Variants in SECISBP2 observed in about 807,000 individuals in gnomAD.
SECISBP2 encodes SECIS binding protein 2.
A neutral mutation model predicts 98.2 loss-of-function variants in SECISBP2; 96 were observed. The observed-to-expected ratio is 0.98, with a 90% CI of 0.83 to 1.16. The LOEUF (loss-of-function observed/expected upper bound fraction) is 1.16. SECISBP2 is among the 50% of genes most tolerant of loss of function. The pLI, the probability that SECISBP2 is intolerant of heterozygous loss-of-function variation, is 0.00. For synonymous variants in SECISBP2, 407 were observed against 370.2 expected, an observed-to-expected ratio of 1.10 and a Z score of -1.14; for missense variants, 1,046 against 1,022.9, an observed-to-expected ratio of 1.02 and a Z score of -0.31.
chr9:89,343,914 C>T (rs1325338428), intron 10 of SECISBP2, among the ~76,000 whole-genome samples: 1 of 152,242 alleles, frequency 6.6e-6, no homozygotes, highest in Non-Finnish European at 1.5e-5. Flanking sequence ...TGAATCACCA[C>T]ACTGCTTTCC....
At chr9:89,330,518 T>C (rs1827570014) in intron 5 of SECISBP2, 1 of 152,254 alleles carries the variant, frequency 6.6e-6, no homozygotes, top group Non-Finnish European at 1.5e-5. Context: ...TGGACTTCTG[T>C]TAGGTGCCTG....
At chr9:89,325,719 T>C in intron 3 of SECISBP2, 43 bp downstream of exon 3, 1 of 1,613,672 alleles carries the variant, frequency 6.2e-7, no homozygotes. Context: ...AGTTGGTTGC[T>C]TTAATGTTTA....
rs1316590948 is a variant in SECISBP2 at position 89,359,195 on chromosome 9, G to A, written c.*371G>A. 1 of 334,724 alleles carries A rather than the reference G, an allele frequency of 3.0e-6. No homozygotes were observed. The highest frequency in any genetic ancestry group is 5.7e-6 in the Non-Finnish European group (1 of 174,132). The allele number at this position is 334,724 out of a possible 1,614,324, so 20.7% of individuals were successfully genotyped here. A position where few individuals can be genotyped will look rare whatever the true frequency, so the allele number is the denominator to read the frequency against. Reference sequence around the variant, plus strand: ...TGAGTGAGTTTGCAGAAAGCAGGTGGTGAGCTCCTGCCTGCTGGAGGTTGC... The same window carrying A: ...TGAGTGAGTTTGCAGAAAGCAGGTGATGAGCTCCTGCCTGCTGGAGGTTGC... On this transcript the variant is annotated 3_prime_UTR_variant, in exon 17 of 17. Transcript: ENST00000375807.
intron 2 of SECISBP2, chr9:89,322,624 A>G (rs1273142479): frequency 1.3e-5 from 2 of 152,236 alleles, no homozygotes; most frequent in Admixed American, 1.3e-4. Flanking sequence ...CTGCCAATAT[A>G]CTGTGAAAAT....
rs768678703 is a variant in SECISBP2, at chr9:89,325,654, A to G, written c.410A>G (p.Gln137Arg). 1.2e-6 allele frequency: 2 copies of G among 1,614,166 alleles called. No homozygotes were observed. The highest frequency in any genetic ancestry group is 1.7e-6 in the Non-Finnish European group (2 of 1,180,014). Residue 137 changes from glutamine to arginine, a missense_variant, in exon 3 of 17, where the codon CAA (glutamine) becomes CGA (arginine). By Grantham distance (43) the Gln-to-Arg change is conservative (BLOSUM62 1). Transcript: ENST00000375807. ...HRNENTCPLP[Q>R]EMKALFKKKT... ...AATGAGAACACATGCCCTCTCCCAC[A>G]AGAAATGAAAGCTCTGTTTAAGGTG...
intron 5 of SECISBP2, among the ~76,000 whole-genome samples, chr9:89,331,181 T>G (rs1454322231): frequency 6.6e-6 from 1 of 152,228 alleles, no homozygotes; most frequent in Non-Finnish European, 1.5e-5. Flanking sequence ...CACCTTGAGA[T>G]TATAAATACG....
intron 8 of SECISBP2, among the ~76,000 whole-genome samples, chr9:89,339,219 C>T (rs149554488): frequency 1.1e-4 from 16 of 152,334 alleles, no homozygotes; most frequent in Non-Finnish European, 1.6e-4. Context: ...CCCAGGTGCC[C>T]AGCTTAGGGT....
At chr9:89,318,918 T>C (rs992450987) in intron 1 of SECISBP2, 95 of 1,215,156 alleles carry the variant, frequency 7.8e-5, no homozygotes, top group Admixed American at 1.3e-4. Flanking sequence ...TCTGGCGAGC[T>C]TCCCGCGCTC....
chr9:89,318,978 A>G (rs1825205440), intron 1 of SECISBP2: 3 of 1,085,332 alleles, frequency 2.8e-6, no homozygotes, highest in Non-Finnish European at 3.4e-6. Context: ...TCTGAACGTC[A>G]TTCTCCGCTC....
chr9:89,333,390 C>T lies in SECISBP2; in HGVS notation c.880+404C>T, dbSNP rs148124853. On this transcript the variant is annotated intron_variant, in intron 6 of 16. Transcript: ENST00000375807. ...TTCAAACAAATTTGCTTAAAAATAACAATAAATTAAGCGTATTGCATTTTA... is the reference window on the plus strand; with the variant it reads ...TTCAAACAAATTTGCTTAAAAATAATAATAAATTAAGCGTATTGCATTTTA... Among the ~76,000 whole-genome samples, 72 of 152,290 alleles carry T rather than the reference C, an allele frequency of 4.7e-4. No individual in the cohort carries two copies. In the East Asian group the frequency reaches 6.6e-3, roughly 14 times the overall value.
intron 14 of SECISBP2, chr9:89,355,549 A>C (rs1189072113): frequency 2.0e-6 from 2 of 983,058 alleles, no homozygotes; most frequent in African/African-American, 3.5e-5. Flanking sequence ...CCCTTTGGGT[A>C]AGAGTTCCAA....
At chr9:89,350,563 G>A (rs2131989088) in intron 13 of SECISBP2, 69 bp from the exon 14 acceptor site, 5 of 1,362,998 alleles carry the variant, frequency 3.7e-6, no homozygotes, top group East Asian at 2.3e-5. Flanking sequence ...TCTCCCTGGG[G>A]TGGGATGGGA....
At chr9:89,341,199 AT>A in intron 9 of SECISBP2, 147 bp from the exon 10 acceptor site, 11 of 738,766 alleles carry the variant, frequency 1.5e-5, no homozygotes, top group South Asian at 1.9e-5. Context: ...TGTGGGATTG[AT>A]TTTTTTTCCT....
chr9:89,333,664 A>G (rs1415013680), intron 6 of SECISBP2, among the ~76,000 whole-genome samples: 2 of 152,198 alleles, frequency 1.3e-5, no homozygotes, highest in Non-Finnish European at 2.9e-5. Flanking sequence ...GACACCTGCA[A>G]GGGTCATGGG....
At position 89,352,751 on chromosome 9, in the gene SECISBP2, C is replaced by T. The variant is rs144114920; in HGVS notation, c.2113+1899C>T. On this transcript the variant is annotated intron_variant, in intron 14 of 16. Transcript: ENST00000375807. The stretch of plus-strand genomic sequence containing the variant: ...GGTTTCATTTTCTGTTAGAATTTCT[C>T]AACCATATCTTGTAAAATTTCTGTA... Among the ~76,000 whole-genome samples, 1,173 of 152,054 alleles carry T rather than the reference C, an allele frequency of 7.7e-3. 9 individuals are homozygous for T. Among genetic ancestry groups the T allele is most frequent in the South Asian group, 0.018 (87 of 4,820 alleles).
Position 89,347,058 on chromosome 9 carries a change from G to A in SECISBP2, c.1602+10G>A. The A allele has an allele frequency of 6.2e-7, 1 of 1,613,304 alleles. No homozygotes were observed. The highest frequency in any genetic ancestry group is 8.5e-7 in the Non-Finnish European group (1 of 1,179,728). ...AACCTCACTGAAGAAGGTATGTGGG[G>A]TGTTTCAGCCGAAGTGAGGCACTAG... On this transcript the variant is annotated intron_variant, in intron 11 of 16. Transcript: ENST00000375807.
chr9:89,344,880 T>C (rs550546788), intron 10 of SECISBP2, among the ~76,000 whole-genome samples: 17 of 152,328 alleles, frequency 1.1e-4, no homozygotes, highest in African/African-American at 4.1e-4. Context: ...TATACAGCCA[T>C]ATCTTTTAAA....
At chr9:89,342,383 TA>T (rs35285058) in intron 10 of SECISBP2, among the ~76,000 whole-genome samples, 50,627 of 152,050 alleles carry the variant, frequency 0.33, 8,739 homozygotes, top group South Asian at 0.44. Flanking sequence ...GGTGGCTACT[TA>T]ACAATGCTCA....
chr9:89,334,218 T>G (rs1828242815), intron 6 of SECISBP2: 1 of 1,205,638 alleles, frequency 8.3e-7, no homozygotes, highest in African/African-American at 1.6e-5. Context: ...CGTGGACATT[T>G]ATTGTGGATT....
Sources: gnomAD v4.1 joint callset for allele counts (sites outside exome capture counted in the v4.1 genomes callset) on GRCh38, gnomAD v4.1.1 for gene constraint, MANE v1.5 for transcripts, NCBI Gene and HGNC (gene_info 2026-07-23, HGNC 2026-07-21) for gene names.